Variants in OTUD7A observed in about 807,000 individuals in gnomAD.
The protein encoded by OTUD7A is OTU domain-containing protein 7A.
In OTUD7A, 12 loss-of-function variants were observed where a neutral mutation model predicts 65.7. The observed-to-expected ratio is 0.18, with a 90% CI of 0.12 to 0.30. The LOEUF (loss-of-function observed/expected upper bound fraction) is 0.30, where lower values mean the gene tolerates loss of function less well. OTUD7A is among the 10% of genes least tolerant of loss of function. OTUD7A has a pLI of 1.00. For synonymous variants in OTUD7A, 641 were observed against 586.3 expected (o/e 1.09, Z -1.35); for missense variants, 1,148 against 1,304.8 (o/e 0.88, Z 1.85).
At chr15:31,590,752 T>C (rs545084036) in intron 3 of OTUD7A, among the ~76,000 whole-genome samples, 1 of 152,262 alleles carries the variant, frequency 6.6e-6, no homozygotes, top group African/African-American at 2.4e-5. Context: ...GATGCAAATA[T>C]ATGGTAAAAG....
chr15:31,805,396 G>A (rs763446952), intron 1 of OTUD7A, among the ~76,000 whole-genome samples: 3 of 152,210 alleles, frequency 2.0e-5, no homozygotes, highest in Non-Finnish European at 2.9e-5. Context: ...AGGGCCCACT[G>A]AATGCCTGGG....
intron 1 of OTUD7A, among the ~76,000 whole-genome samples, chr15:31,726,806 T>C (rs1289390447): frequency 1.3e-5 from 2 of 152,228 alleles, no homozygotes; most frequent in Non-Finnish European, 2.9e-5. Context: ...ACGGTTCTTT[T>C]TGTCAACAGT....
intron 1 of OTUD7A, among the ~76,000 whole-genome samples, chr15:31,816,263 T>C (rs548114485): frequency 1.3e-5 from 2 of 152,318 alleles, no homozygotes; most frequent in Non-Finnish European, 1.5e-5. Flanking sequence ...ATGTCCTTCC[T>C]GGACTAAACA....
At chr15:31,536,396 A>G (rs1269213647) in intron 5 of OTUD7A, among the ~76,000 whole-genome samples, 1 of 152,240 alleles carries the variant, frequency 6.6e-6, no homozygotes, top group Admixed American at 6.5e-5. Context: ...AGTGACATAT[A>G]TATGTTTTTA....
At chr15:31,799,685 G>A (rs1242654535) in intron 1 of OTUD7A, among the ~76,000 whole-genome samples, 1 of 152,194 alleles carries the variant, frequency 6.6e-6, no homozygotes, top group Non-Finnish European at 1.5e-5. Context: ...AACTGACTGT[G>A]AGAAATAAAT....
chr15:31,842,687 C>T (rs1483958271), intron 1 of OTUD7A, among the ~76,000 whole-genome samples: 1 of 152,178 alleles, frequency 6.6e-6, no homozygotes, highest in Non-Finnish European at 1.5e-5. Context: ...TGTGACTCAC[C>T]TGTGATCTCC....
chr15:31,777,152 C>T (rs1256596740), intron 1 of OTUD7A, among the ~76,000 whole-genome samples: 1 of 152,114 alleles, frequency 6.6e-6, no homozygotes, highest in African/African-American at 2.4e-5. Flanking sequence ...TAAGTCTGAA[C>T]AGGGCCCTGC....
At chr15:31,670,147 A>G (rs1024459443) in intron 1 of OTUD7A, among the ~76,000 whole-genome samples, 2 of 149,424 alleles carry the variant, frequency 1.3e-5, no homozygotes, top group South Asian at 2.1e-4. Context: ...AGTCAGAGCC[A>G]TGAAGATCCC....
chr15:31,779,948 T>C (rs1249297757), intron 1 of OTUD7A, among the ~76,000 whole-genome samples: 2 of 151,840 alleles, frequency 1.3e-5, no homozygotes, highest in Non-Finnish European at 2.9e-5. Flanking sequence ...GCTTTTGGAG[T>C]CTTCTCAGTG....
At position 31,673,946 on chromosome 15, in the gene OTUD7A, G is replaced by A. The variant is rs562612176; in HGVS notation, c.-99-16869C>T. 4.9e-4 allele frequency among the ~76,000 whole-genome samples: 74 copies of A among 152,162 alleles called. No individual in the cohort carries two copies. In the South Asian group the frequency reaches 7.5e-3, roughly 15 times the overall value. On this transcript the variant is annotated intron_variant, in intron 1 of 12. Coordinates refer to ENST00000307050, the MANE Select transcript of OTUD7A (RefSeq NM_001382637.1). The stretch of plus-strand genomic sequence containing the variant: ...ACATCACCACAAGCTGGAATATACC[G>A]GATAATAAGTATGCTGAATAAATGA...
At chr15:31,863,481 T>C (rs972850977) in intron 1 of OTUD7A, among the ~76,000 whole-genome samples, 5 of 152,228 alleles carry the variant, frequency 3.3e-5, no homozygotes, top group African/African-American at 1.2e-4. Flanking sequence ...ACCTTAATTC[T>C]TGACTTCTGT....
chr15:31,503,858 C>G, intron 8 of OTUD7A, 40 bp from the exon 9 acceptor site: 4 of 1,612,272 alleles, frequency 2.5e-6, no homozygotes, highest in Non-Finnish European at 3.4e-6. Context: ...CTGACTAAAA[C>G]AGGGTGGAGG....
intron 3 of OTUD7A, among the ~76,000 whole-genome samples, chr15:31,615,091 C>G (rs1249192047): frequency 6.6e-6 from 1 of 152,040 alleles, no homozygotes; most frequent in Non-Finnish European, 1.5e-5. Flanking sequence ...AAGGAAATGA[C>G]AGGGCAAACA....
chr15:31,630,517 T>A (rs1891110315), intron 3 of OTUD7A, among the ~76,000 whole-genome samples: 1 of 152,210 alleles, frequency 6.6e-6, no homozygotes, highest in African/African-American at 2.4e-5. Flanking sequence ...TCCAACTATG[T>A]GGTCAATTTT....
chr15:31,680,494 T>C (rs1892687380), intron 1 of OTUD7A, among the ~76,000 whole-genome samples: 1 of 152,218 alleles, frequency 6.6e-6, no homozygotes, highest in African/African-American at 2.4e-5. Context: ...TATAGCGTGA[T>C]TAAACAATAC....
At chr15:31,813,217 A>G (rs960445083) in intron 1 of OTUD7A, among the ~76,000 whole-genome samples, 1 of 152,226 alleles carries the variant, frequency 6.6e-6, no homozygotes, top group African/African-American at 2.4e-5. Context: ...TGCCCTCCCC[A>G]TGCCAATGCC....
rs548357152 is a variant in OTUD7A, at chr15:31,619,903, C to T, written c.151+35193G>A. 1.6e-4 allele frequency among the ~76,000 whole-genome samples: 24 copies of T among 152,186 alleles called. No homozygotes were observed. In the East Asian group the frequency reaches 2.7e-3, roughly 17 times the overall value. Reference sequence around the variant, plus strand: ...ATTCAGTATGATATTGGCTGTGGGTCTGTAATAGATAGCTCTTATTATTTC... The same window carrying T: ...ATTCAGTATGATATTGGCTGTGGGTTTGTAATAGATAGCTCTTATTATTTC... On this transcript the variant is annotated intron_variant, in intron 3 of 12. Coordinates refer to ENST00000307050, the MANE Select transcript of OTUD7A (RefSeq NM_001382637.1).
In OTUD7A at chr15:31,526,408, C is replaced by A; in HGVS notation, c.834G>T (p.Leu278=). 1 of 1,602,538 alleles carries A rather than the reference C, an allele frequency of 6.2e-7. No individual in the cohort carries two copies. The change falls in exon 8 of 13, where the codon CTG becomes CTT. Residue 278 remains leucine (L), a synonymous_variant. Coordinates refer to ENST00000307050, the MANE Select transcript of OTUD7A (RefSeq NM_001382637.1). ...TGCGCGGCTCGCTGGAGGCCAGCTT[C>A]AGCAGCTCCGTCCACTCCCGCTCCC... The part of the protein sequence containing the change: ...EEWEREWTEL[L]KLASSEPRTH...
intron 1 of OTUD7A, among the ~76,000 whole-genome samples, chr15:31,826,649 T>C (rs943786404): frequency 2.6e-5 from 4 of 152,208 alleles, no homozygotes; most frequent in Admixed American, 6.5e-5. Flanking sequence ...CCTAGGAAAA[T>C]AGGATTTTCT....
Sources: gnomAD v4.1 joint callset for allele counts (sites outside exome capture counted in the v4.1 genomes callset) on GRCh38, gnomAD v4.1.1 for gene constraint, MANE v1.5 for transcripts, NCBI Gene and HGNC (gene_info 2026-07-23, HGNC 2026-07-21) for gene names.